Variants in DNAH14 observed in about 807,000 individuals in gnomAD.
The protein encoded by DNAH14 is axonemal beta dynein heavy chain 14.
DNAH14 carries 478 observed loss-of-function variants against 520.9 expected under a neutral mutation model. That is an observed-to-expected ratio of 0.92 (90% CI 0.85 to 0.99). DNAH14 has a LOEUF of 0.99. Ranked by LOEUF, DNAH14 falls within the 50% of genes least tolerant of loss-of-function variation. DNAH14 has a pLI of 0.00. For missense variants in DNAH14, 4,831 were observed against 5,234.5 expected, an observed-to-expected ratio of 0.92 and a Z score of 2.38; for synonymous variants, 1,581 against 1,757.2, an observed-to-expected ratio of 0.90 and a Z score of 2.51.
At chr1:225,090,996 G>T (rs1192656152) in intron 21 of DNAH14, among the ~76,000 whole-genome samples, 1 of 151,988 alleles carries the variant, frequency 6.6e-6, no homozygotes. Context: ...CTTGTATCCA[G>T]AATATATAAA....
intron 48 of DNAH14, 102 bp downstream of exon 48, chr1:225,265,471 C>T (rs1363557003): frequency 1.0e-6 from 1 of 978,646 alleles, no homozygotes; most frequent in Non-Finnish European, 1.4e-6. Flanking sequence ...GTGTAACACA[C>T]ATTTTTGAAC....
At chr1:224,954,214 G>T (rs1161772284) in intron 2 of DNAH14, among the ~76,000 whole-genome samples, 1 of 151,986 alleles carries the variant, frequency 6.6e-6, no homozygotes. Flanking sequence ...AAAGGAAAAG[G>T]ATTTAAGAAT....
chr1:225,072,605 C>T (rs925999034), intron 17 of DNAH14, among the ~76,000 whole-genome samples: 18 of 152,206 alleles, frequency 1.2e-4, no homozygotes, highest in Non-Finnish European at 7.3e-5. Flanking sequence ...AGAAAGAGCG[C>T]ATTCTGGCTT....
chr1:225,156,363 G>C (rs1268857185), intron 34 of DNAH14, among the ~76,000 whole-genome samples: 1 of 152,098 alleles, frequency 6.6e-6, no homozygotes, highest in African/African-American at 2.4e-5. Context: ...TCCAGGTTGT[G>C]GGCAGGGTTG....
At chr1:225,272,647 G>C (rs1239904511) in intron 51 of DNAH14, among the ~76,000 whole-genome samples, 2 of 152,008 alleles carry the variant, frequency 1.3e-5, no homozygotes, top group Non-Finnish European at 2.9e-5. Flanking sequence ...TCAGTATCAC[G>C]TGCAACACCC....
chr1:225,225,429 A>T (rs912831378), intron 41 of DNAH14, among the ~76,000 whole-genome samples: 1 of 152,180 alleles, frequency 6.6e-6, no homozygotes, highest in African/African-American at 2.4e-5. Context: ...ATTAAAACTG[A>T]TAATTGTCCA....
Position 225,290,003 on chromosome 1 carries a change from T to C in DNAH14, c.8390T>C (p.Val2797Ala). ...HKCAYIEFKE[V>A]FKKVFIHAGL... The stretch of plus-strand genomic sequence containing the variant: ...TGTGCCTACATCGAATTCAAAGAAG[T>C]CTTTAAAAAGGTGTTTATTCACGCA... Residue 2797 changes from valine to alanine, a missense_variant, in exon 55 of 86, where the codon GTC (valine) becomes GCC (alanine). Transcript: ENST00000682510. The C allele has an allele frequency of 6.5e-7, 1 of 1,540,630 alleles. No individual in the cohort carries two copies. The highest frequency in any genetic ancestry group is 8.8e-7 in the Non-Finnish European group (1 of 1,141,088).
At chr1:224,997,434 T>TTTTTG (rs1553368536) in intron 8 of DNAH14, among the ~76,000 whole-genome samples, 7 of 150,490 alleles carry the variant, frequency 4.7e-5, no homozygotes, top group African/African-American at 1.7e-4. Flanking sequence ...GCAGGTTTTT[T>TTTTTG]TTTGTTTGTT....
intron 11 of DNAH14, among the ~76,000 whole-genome samples, chr1:225,036,730 G>A (rs144123890): frequency 6.6e-6 from 1 of 152,270 alleles, no homozygotes; most frequent in African/African-American, 2.4e-5. Flanking sequence ...TGCCTGAGCT[G>A]TCTTGTCTGT....
chr1:225,090,897 C>T (rs527810008), intron 21 of DNAH14, among the ~76,000 whole-genome samples: 13 of 152,172 alleles, frequency 8.5e-5, no homozygotes, highest in South Asian at 4.1e-4. Flanking sequence ...ATTAAAAATT[C>T]GTGCTCCTAT....
chr1:225,094,703 C>T (rs564482897), intron 21 of DNAH14, among the ~76,000 whole-genome samples: 2 of 74,764 alleles, frequency 2.7e-5, no homozygotes, highest in East Asian at 9.9e-4. Flanking sequence ...AACAAAAAAA[C>T]GCTATCAACA....
intron 27 of DNAH14, among the ~76,000 whole-genome samples, chr1:225,133,800 A>G (rs1403294197): frequency 6.6e-6 from 1 of 152,188 alleles, no homozygotes; most frequent in Non-Finnish European, 1.5e-5. Flanking sequence ...CATTGAATCT[A>G]TAAATTACTT....
chr1:224,990,716 A>T (rs1182797833), intron 8 of DNAH14, among the ~76,000 whole-genome samples: 1 of 152,184 alleles, frequency 6.6e-6, no homozygotes, highest in Non-Finnish European at 1.5e-5. Flanking sequence ...ACTTGGGTTG[A>T]TTCCATAACC....
rs878987632 is a variant in DNAH14, at chr1:225,335,467, ATGTGTG to A, written c.10081-1795_10081-1790del. ...TGTATGCACATATGCACGTGTGTAC[ATGTGTG>A]TGTATGCACATATACACGTGTGTAC... On this transcript the variant is annotated intron_variant, in intron 66 of 85. Transcript: ENST00000682510. Among the ~76,000 whole-genome samples the A allele has an allele frequency of 5.9e-3, 557 of 93,674 alleles. 32 individuals are homozygous for A. The highest frequency in any genetic ancestry group is 6.8e-3 in the Non-Finnish European group (340 of 50,360). The allele number at this position is 93,674 out of a possible 152,430, so 61.5% of individuals were successfully genotyped here.
intron 10 of DNAH14, among the ~76,000 whole-genome samples, chr1:225,008,956 G>A (rs150218501): frequency 3.9e-5 from 6 of 151,932 alleles, no homozygotes; most frequent in Non-Finnish European, 7.4e-5. Context: ...TTTTTAATGG[G>A]GTTGTTTTTT....
chr1:224,929,859 T>C (rs2501078), intron 1 of DNAH14, 24 bp downstream of exon 1: 112,457 of 662,386 alleles, frequency 0.17, 12,812 homozygotes, highest in African/African-American at 0.45. Flanking sequence ...CGTCTTCCTG[T>C]CAGCGGTCGG....
At chr1:224,960,823 A>T (rs1204025638) in intron 4 of DNAH14, among the ~76,000 whole-genome samples, 1 of 152,148 alleles carries the variant, frequency 6.6e-6, no homozygotes, top group Non-Finnish European at 1.5e-5. Context: ...AGGTGGATTT[A>T]TCATAAAGCT....
chr1:225,378,059 T>A (rs190150794), intron 79 of DNAH14, among the ~76,000 whole-genome samples: 158 of 152,212 alleles, frequency 1.0e-3, no homozygotes, highest in African/African-American at 3.6e-3. Flanking sequence ...TCTCTTTTAA[T>A]TGGGGTCACA....
chr1:224,980,887 G>A (rs890260919), intron 8 of DNAH14, among the ~76,000 whole-genome samples: 2 of 152,198 alleles, frequency 1.3e-5, no homozygotes, highest in African/African-American at 4.8e-5. Flanking sequence ...AATACCTCAT[G>A]TAGATGACAG....
Sources: gnomAD v4.1 joint callset for allele counts (sites outside exome capture counted in the v4.1 genomes callset) on GRCh38, gnomAD v4.1.1 for gene constraint, MANE v1.5 for transcripts, NCBI Gene and HGNC (gene_info 2026-07-23, HGNC 2026-07-21) for gene names.